Variants in PPP1R37 observed in about 807,000 individuals in gnomAD.
The protein encoded by PPP1R37 is protein phosphatase 1 regulatory subunit 37.
A neutral mutation model predicts 61.0 loss-of-function variants in PPP1R37; 21 were observed. The observed-to-expected ratio is 0.34, with a 90% CI of 0.24 to 0.50. PPP1R37 has a LOEUF of 0.50. Ranked by LOEUF, PPP1R37 falls within the 20% of genes least tolerant of loss-of-function variation. PPP1R37 has a pLI of 0.98. For synonymous variants in PPP1R37, 443 were observed against 433.5 expected, an observed-to-expected ratio of 1.02 and a Z score of -0.27; for missense variants, 910 against 952.7, an observed-to-expected ratio of 0.96 and a Z score of 0.59.
Position 45,144,728 on chromosome 19 carries a change from C to T in PPP1R37, c.988-126C>T, listed in dbSNP as rs1480854566. On this transcript the variant is annotated intron_variant, in intron 8 of 12. Transcript: ENST00000221462. ...CAGGGCAGGACGGCGCCGGTGTTCA[C>T]GCAGGCGCGCGAAAGAAAAGGAGCG... The T allele has an allele frequency of 9.5e-5, 75 of 792,782 alleles. 1 individual carries two copies. The South Asian group carries it at 1.3e-3, about 14-fold the overall frequency. 49.1% of individuals were successfully genotyped at this position (792,782 alleles called of 1,614,324 possible). A position where few individuals can be genotyped will look rare whatever the true frequency, so the allele number is the denominator to read the frequency against.
intron 1 of PPP1R37, among the ~76,000 whole-genome samples, chr19:45,129,333 CTG>C (rs1968448061): frequency 6.6e-6 from 1 of 152,164 alleles, no homozygotes; most frequent in South Asian, 2.1e-4. Context: ...GAGTCTCACT[CTG>C]TTGCCCAAGC....
intron 1 of PPP1R37, among the ~76,000 whole-genome samples, chr19:45,120,623 G>GTATA (rs1379447436): frequency 3.3e-5 from 5 of 152,016 alleles, no homozygotes; most frequent in Admixed American, 3.3e-4. Context: ...TAATCAAAGG[G>GTATA]TATATGCATG....
intron 1 of PPP1R37, among the ~76,000 whole-genome samples, chr19:45,119,258 G>A (rs774827880): frequency 6.6e-6 from 1 of 151,888 alleles, no homozygotes. Flanking sequence ...AGGTTCAAGC[G>A]ATTCTCCTGC....
Position 45,143,595 on chromosome 19 carries a change from C to G in PPP1R37, c.949C>G (p.Leu317Val), listed in dbSNP as rs1048243485. ...GACCCTGGTGCTGTGGAACAACCAG[C>G]TCACGCACACAGGCATGGCCTTCCT... ...LVTLVLWNNQ[L>V]THTGMAFLGM... Residue 317 changes from leucine (L) to valine (V), a missense_variant, in exon 8 of 13, where the codon CTC becomes GTC. By Grantham distance (32) the Leu-to-Val change is conservative (BLOSUM62 1). Transcript: ENST00000221462. The G allele has an allele frequency of 3.3e-6, 5 of 1,535,706 alleles. No homozygotes were observed. The African/African-American group carries it at 4.1e-5, about 13-fold the overall frequency.
intron 4 of PPP1R37, 116 bp downstream of exon 4, chr19:45,140,722 G>A (rs1968600110): frequency 2.8e-6 from 2 of 725,866 alleles, no homozygotes; most frequent in African/African-American, 3.5e-5. Flanking sequence ...GCTGAGGGGT[G>A]GCGCAAGGGC....
At chr19:45,118,830 G>T (rs574000180) in intron 1 of PPP1R37, among the ~76,000 whole-genome samples, 4 of 152,320 alleles carry the variant, frequency 2.6e-5, no homozygotes, top group Admixed American at 6.5e-5. Context: ...CCAGGTGGCT[G>T]CCTCCACAGC....
At chr19:45,135,390 G>A (rs562507368) in intron 1 of PPP1R37, among the ~76,000 whole-genome samples, 1 of 152,360 alleles carries the variant, frequency 6.6e-6, no homozygotes, top group Admixed American at 6.5e-5. Flanking sequence ...CTTGATCCTG[G>A]ACCCTGGCAA....
At chr19:45,142,481 C>T in intron 7 of PPP1R37, 23 bp downstream of exon 7, 1 of 1,533,974 alleles carries the variant, frequency 6.5e-7, no homozygotes, top group Non-Finnish European at 8.7e-7. Context: ...GCCCACCCCA[C>T]CCACACCCGT....
Position 45,093,221 on chromosome 19 carries a change from A to T in PPP1R37, c.-105A>T. On this transcript the variant is annotated 5_prime_UTR_variant, in exon 1 of 13. Transcript: ENST00000221462. ...GGAGAGCGGACGGAGGCGGCGCCTG[A>T]AGCGGCGGCGGAGCCCATGCCCCGG... The T allele has an allele frequency of 1.1e-6, 1 of 939,864 alleles. No homozygotes were observed. The highest frequency in any genetic ancestry group is 1.4e-6 in the Non-Finnish European group (1 of 697,936). 58.2% of individuals were successfully genotyped at this position (939,864 alleles called of 1,614,324 possible).
intron 1 of PPP1R37, among the ~76,000 whole-genome samples, chr19:45,119,351 C>T (rs1968310772): frequency 6.6e-6 from 1 of 152,126 alleles, no homozygotes; most frequent in Non-Finnish European, 1.5e-5. Context: ...TGGGGTTTTG[C>T]CCTGTTGGCC....
intron 1 of PPP1R37, among the ~76,000 whole-genome samples, chr19:45,123,290 C>T (rs1234134741): frequency 6.6e-5 from 10 of 152,170 alleles, no homozygotes; most frequent in South Asian, 2.1e-4. Flanking sequence ...ACACCTCTCC[C>T]GCCCAGCACT....
In PPP1R37 at chr19:45,133,538, C is replaced by T. The variant is rs1019163609; in HGVS notation, c.203-4976C>T. ...GGCCACAGCTGTGCCCTAACCACTGCGCAGCCCTTCCCTTTGGAACCTGGC... is the reference window on the plus strand; with the variant it reads ...GGCCACAGCTGTGCCCTAACCACTGTGCAGCCCTTCCCTTTGGAACCTGGC... On this transcript the variant is annotated intron_variant, in intron 1 of 12. Coordinates refer to ENST00000221462, the MANE Select transcript of PPP1R37 (RefSeq NM_019121.2). Among the ~76,000 whole-genome samples, 8 of 152,232 alleles carry T rather than the reference C, an allele frequency of 5.3e-5. No individual in the cohort carries two copies. The East Asian group carries it at 9.6e-4, about 18-fold the overall frequency.
intron 1 of PPP1R37, among the ~76,000 whole-genome samples, chr19:45,129,786 G>A (rs114238086): frequency 7.2e-5 from 11 of 152,326 alleles, no homozygotes; most frequent in African/African-American, 2.4e-4. Flanking sequence ...CTTTAGATGG[G>A]GAGGGAAAAG....
At chr19:45,095,414 G>A (rs934835381) in intron 1 of PPP1R37, among the ~76,000 whole-genome samples, 1 of 152,048 alleles carries the variant, frequency 6.6e-6, no homozygotes, top group African/African-American at 2.4e-5. Flanking sequence ...TGGGATTACC[G>A]GCATGAGCCA....
chr19:45,121,306 G>A lies in PPP1R37; in HGVS notation c.203-17208G>A, dbSNP rs962360012. 6.6e-6 allele frequency among the ~76,000 whole-genome samples: 1 copy of A among 152,244 alleles called. No individual in the cohort carries two copies. The highest frequency in any genetic ancestry group is 2.4e-5 in the African/African-American group (1 of 41,464). ...TGCATTTACACTCACACTCTGGGAT[G>A]AGGGACTTTCCTCCTCAGGGCGTCT... On this transcript the variant is annotated intron_variant, in intron 1 of 12. Transcript: ENST00000221462. The surrounding 1 kb of genome is among the most constrained non-coding windows in gnomAD (Gnocchi z 4.2).
At chr19:45,143,674 G>A (rs529824604) in intron 8 of PPP1R37, 41 bp downstream of exon 8, 54 of 1,206,664 alleles carry the variant, frequency 4.5e-5, no homozygotes, top group Admixed American at 3.2e-4. Context: ...CTCGGTCCCC[G>A]CTGCCACCTC....
At chr19:45,103,064 G>T (rs910172639) in intron 1 of PPP1R37, among the ~76,000 whole-genome samples, 1 of 152,250 alleles carries the variant, frequency 6.6e-6, no homozygotes. Context: ...GAAGGTCCAT[G>T]AAGGCAGGAC....
chr19:45,099,759 G>A (rs1328976593), intron 1 of PPP1R37, among the ~76,000 whole-genome samples: 1 of 152,278 alleles, frequency 6.6e-6, no homozygotes, highest in African/African-American at 2.4e-5. Flanking sequence ...ACACATGTCC[G>A]AAGGACTGGG....
chr19:45,129,861 CA>C (rs2122740149), intron 1 of PPP1R37, among the ~76,000 whole-genome samples: 1 of 152,370 alleles, frequency 6.6e-6, no homozygotes, highest in African/African-American at 2.4e-5. Context: ...CTCCCCAACA[CA>C]TTTGTTAAAA....
Sources: allele counts gnomAD v4.1 joint callset (sites outside exome capture counted in the v4.1 genomes callset), GRCh38; gene constraint gnomAD v4.1.1; non-coding constraint Gnocchi (gnomAD v3.1); transcripts MANE v1.5; gene names NCBI Gene and HGNC (gene_info 2026-07-23, HGNC 2026-07-21).